NSMCE2: variants seen among roughly 807,000 people sequenced by gnomAD.
The protein encoded by NSMCE2 is E3 SUMO-protein ligase NSE2.
In NSMCE2, 24 loss-of-function variants were observed where a neutral mutation model predicts 23.8. The observed-to-expected ratio is 1.01, with a 90% CI of 0.73 to 1.42. The LOEUF is 1.42. NSMCE2 is among the 40% of genes most tolerant of loss of function. The pLI is 0.00. For synonymous variants in NSMCE2, 92 were observed against 94.1 expected, an observed-to-expected ratio of 0.98 and a Z score of 0.13; for missense variants, 284 against 296.5, an observed-to-expected ratio of 0.96 and a Z score of 0.31.
rs1317017961 is a variant in NSMCE2 at position 125,292,294 on chromosome 8, C to T, written c.419-64925C>T. Among the ~76,000 whole-genome samples, 5 of 151,744 alleles carry T rather than the reference C, an allele frequency of 3.3e-5. No homozygotes were observed. In the East Asian group the frequency reaches 9.7e-4, roughly 29 times the overall value. On this transcript the variant is annotated intron_variant, in intron 5 of 7. Transcript: ENST00000287437. ...AGGCCAGGGGGAGCAGTGGCTCACA[C>T]CTGTAATCCCAGCACTTTGGGAAGC...
intron 5 of NSMCE2, among the ~76,000 whole-genome samples, chr8:125,314,526 G>A (rs1005828500): frequency 7.9e-5 from 12 of 152,096 alleles, no homozygotes; most frequent in African/African-American, 2.9e-4. Context: ...TCCTGACTTC[G>A]TGATCCACCC....
intron 3 of NSMCE2, among the ~76,000 whole-genome samples, chr8:125,133,268 T>G (rs1001777826): frequency 6.6e-6 from 1 of 152,188 alleles, no homozygotes; most frequent in Non-Finnish European, 1.5e-5. Context: ...CTAGGATATT[T>G]AAGTAGAAAA....
chr8:125,151,871 G>A (rs1427851538), intron 4 of NSMCE2, among the ~76,000 whole-genome samples: 8 of 152,134 alleles, frequency 5.3e-5, no homozygotes, highest in African/African-American at 1.4e-4. Context: ...TGAGCAATAC[G>A]ATTGCAGTCA....
intron 5 of NSMCE2, among the ~76,000 whole-genome samples, chr8:125,346,830 T>C (rs1017985195): frequency 2.0e-5 from 3 of 152,238 alleles, no homozygotes; most frequent in Non-Finnish European, 2.9e-5. Context: ...ATTTAATAGC[T>C]GGAGGCAAAT....
At chr8:125,241,517 C>T (rs1825764526) in intron 5 of NSMCE2, among the ~76,000 whole-genome samples, 1 of 152,156 alleles carries the variant, frequency 6.6e-6, no homozygotes, top group Non-Finnish European at 1.5e-5. Context: ...AGAAGGAATG[C>T]TACGTTTAAA....
chr8:125,267,957 G>C (rs1445312195), intron 5 of NSMCE2, among the ~76,000 whole-genome samples: 1 of 151,992 alleles, frequency 6.6e-6, no homozygotes, highest in African/African-American at 2.4e-5. Context: ...GGCTGGGTGT[G>C]GTGGCTCACA....
chr8:125,165,660 T>A (rs1821839639), intron 4 of NSMCE2, among the ~76,000 whole-genome samples: 1 of 152,246 alleles, frequency 6.6e-6, no homozygotes, highest in South Asian at 2.1e-4. Context: ...AGAATCAAAA[T>A]TATATACATT....
At chr8:125,097,634 A>G (rs1020396732) in intron 1 of NSMCE2, among the ~76,000 whole-genome samples, 1 of 152,220 alleles carries the variant, frequency 6.6e-6, no homozygotes, top group African/African-American at 2.4e-5. Flanking sequence ...TTTCTTGAAC[A>G]TTGTAGCATA....
At chr8:125,095,617 A>AG (rs1172890408) in intron 1 of NSMCE2, among the ~76,000 whole-genome samples, 1 of 151,722 alleles carries the variant, frequency 6.6e-6, no homozygotes, top group Non-Finnish European at 1.5e-5. Flanking sequence ...AACCGAGGCC[A>AG]GGGGCAGTGG....
At chr8:125,170,010 A>G (rs1448952630) in intron 4 of NSMCE2, among the ~76,000 whole-genome samples, 6 of 151,528 alleles carry the variant, frequency 4.0e-5, no homozygotes, top group Non-Finnish European at 8.8e-5. Context: ...GCCTGCTCTG[A>G]TATCATCCCA....
chr8:125,233,439 G>A (rs911252196), intron 5 of NSMCE2, among the ~76,000 whole-genome samples: 8 of 152,004 alleles, frequency 5.3e-5, no homozygotes, highest in African/African-American at 1.9e-4. Context: ...TTTTATTTAT[G>A]TAGGATTTTT....
At chr8:125,260,779 C>T (rs1402005904) in intron 5 of NSMCE2, among the ~76,000 whole-genome samples, 2 of 151,728 alleles carry the variant, frequency 1.3e-5, no homozygotes, top group African/African-American at 2.4e-5. Flanking sequence ...TGTGCACCAC[C>T]ACACCCAGCT....
Position 125,345,652 on chromosome 8 carries a change from G to C in NSMCE2, c.419-11567G>C, listed in dbSNP as rs73336879. Among the ~76,000 whole-genome samples, 923 of 152,330 alleles carry C rather than the reference G, an allele frequency of 6.1e-3. 8 individuals are homozygous for C. The highest frequency in any genetic ancestry group is 0.022 in the African/African-American group (897 of 41,576). ...AGGACTCACCTCTGCTTTAGCACCT[G>C]ACAGAGGAAATGCCTGAATTGAGTC... On this transcript the variant is annotated intron_variant, in intron 5 of 7. Transcript: ENST00000287437.
At chr8:125,112,910 T>C (rs1207779400) in intron 3 of NSMCE2, among the ~76,000 whole-genome samples, 1 of 152,208 alleles carries the variant, frequency 6.6e-6, no homozygotes, top group Non-Finnish European at 1.5e-5. Flanking sequence ...TACCAATAAC[T>C]GATTTAAGTA....
intron 5 of NSMCE2, among the ~76,000 whole-genome samples, chr8:125,280,811 C>T (rs1384424688): frequency 2.0e-5 from 3 of 152,182 alleles, no homozygotes; most frequent in African/African-American, 7.2e-5. Context: ...ATTTTTATCA[C>T]ATAAGATTCA....
intron 3 of NSMCE2, among the ~76,000 whole-genome samples, chr8:125,110,587 T>C (rs1818683865): frequency 6.6e-6 from 1 of 152,130 alleles, no homozygotes; most frequent in South Asian, 2.1e-4. Context: ...CATGCATTTT[T>C]TAAGGTCACA....
At chr8:125,249,350 A>G (rs1826115743) in intron 5 of NSMCE2, among the ~76,000 whole-genome samples, 1 of 152,196 alleles carries the variant, frequency 6.6e-6, no homozygotes, top group Non-Finnish European at 1.5e-5. Flanking sequence ...AGTTTGGATG[A>G]TAGCATCCCC....
intron 5 of NSMCE2, among the ~76,000 whole-genome samples, chr8:125,290,635 G>A (rs1475082159): frequency 2.0e-5 from 3 of 152,186 alleles, no homozygotes; most frequent in African/African-American, 7.2e-5. Flanking sequence ...AAAGTTGGTT[G>A]AGGCAACATA....
rs148968467 is a variant in NSMCE2, at chr8:125,103,434, A to G, written c.157+947A>G. On this transcript the variant is annotated intron_variant, in intron 3 of 7. Transcript: ENST00000287437. ...GTTTTTATTGGCATAGGTTTTGAGC[A>G]ATTTGTGATGTGCCGTGGTGTGATT... 5.6e-3 allele frequency among the ~76,000 whole-genome samples: 859 copies of G among 152,254 alleles called. 10 individuals carry two copies. Among genetic ancestry groups the G allele is most frequent in the African/African-American group, 0.019 (809 of 41,544 alleles).
Sources: gnomAD v4.1 joint callset for allele counts (sites outside exome capture counted in the v4.1 genomes callset) on GRCh38, gnomAD v4.1.1 for gene constraint, MANE v1.5 for transcripts, NCBI Gene and HGNC (gene_info 2026-07-23, HGNC 2026-07-21) for gene names.